The following CPNE4 variants were observed in gnomAD, a reference collection of about 807,000 sequenced individuals.
The protein encoded by CPNE4 is copine-4.
CPNE4 carries 25 observed loss-of-function variants against 67.9 expected under a neutral mutation model. The ratio of observed to expected loss-of-function variants is 0.37; its 90% CI spans 0.27 to 0.51. CPNE4 has a LOEUF of 0.51. Ranked by LOEUF, CPNE4 falls within the 20% of genes least tolerant of loss-of-function variation. The pLI, the probability that CPNE4 is intolerant of heterozygous loss-of-function variation, is 0.93. For missense variants in CPNE4, 464 were observed against 690.8 expected, an observed-to-expected ratio of 0.67 and a Z score of 3.68; for synonymous variants, 242 against 244.9, an observed-to-expected ratio of 0.99 and a Z score of 0.11.
chr3:131,894,141 A>G (rs1170593802), intron 2 of CPNE4, among the ~76,000 whole-genome samples: 1 of 151,952 alleles, frequency 6.6e-6, no homozygotes, highest in South Asian at 2.1e-4. Context: ...CTGGACACAT[A>G]CAACCTACCT....
chr3:131,667,612 CCTTT>C (rs1432006481), intron 7 of CPNE4, among the ~76,000 whole-genome samples: 32 of 151,940 alleles, frequency 2.1e-4, no homozygotes, highest in Non-Finnish European at 4.4e-4. Context: ...TCCCTTCCTT[CCTTT>C]TTCTTTCCTT....
chr3:131,905,801 C>G (rs944543148), intron 1 of CPNE4, among the ~76,000 whole-genome samples: 7 of 152,126 alleles, frequency 4.6e-5, no homozygotes, highest in Non-Finnish European at 1.5e-5. Flanking sequence ...TGAAATTGTA[C>G]AGATTTGTTG....
At chr3:132,029,472 C>T (rs2074191672) in intron 1 of CPNE4, among the ~76,000 whole-genome samples, 1 of 152,166 alleles carries the variant, frequency 6.6e-6, no homozygotes, top group African/African-American at 2.4e-5. Context: ...TGCTCCGGCG[C>T]CCTCTAGCGA....
intron 2 of CPNE4, among the ~76,000 whole-genome samples, chr3:131,882,880 C>T (rs1326582441): frequency 2.0e-5 from 3 of 152,016 alleles, no homozygotes; most frequent in Admixed American, 1.3e-4. Flanking sequence ...CCACACCTGG[C>T]TAATTTTTTT....
intron 9 of CPNE4, among the ~76,000 whole-genome samples, chr3:131,575,606 C>G (rs111447739): frequency 4.3e-4 from 65 of 152,172 alleles, no homozygotes; most frequent in African/African-American, 1.4e-3. Flanking sequence ...TAAATGCTTC[C>G]CCTGCCATGA....
chr3:131,650,726 C>T (rs2079792766), intron 7 of CPNE4, among the ~76,000 whole-genome samples: 3 of 97,316 alleles, frequency 3.1e-5, no homozygotes, highest in Non-Finnish European at 5.4e-5. Flanking sequence ...GCCTGGGGGA[C>T]AGAGCAAGAC....
At chr3:131,920,744 T>C (rs2070720255) in intron 1 of CPNE4, among the ~76,000 whole-genome samples, 1 of 151,980 alleles carries the variant, frequency 6.6e-6, no homozygotes, top group African/African-American at 2.4e-5. Flanking sequence ...ATCTATGGTG[T>C]CATCTCAGAA....
At chr3:132,019,944 G>C (rs996096403) in intron 1 of CPNE4, among the ~76,000 whole-genome samples, 14 of 152,126 alleles carry the variant, frequency 9.2e-5, no homozygotes, top group Non-Finnish European at 1.8e-4. Context: ...ATTTAAACTT[G>C]TGACGCTCAT....
At chr3:131,648,998 C>T (rs2079738714) in intron 7 of CPNE4, among the ~76,000 whole-genome samples, 1 of 152,184 alleles carries the variant, frequency 6.6e-6, no homozygotes. Context: ...AAGCATTTTC[C>T]TCCTTAACTC....
At chr3:131,991,700 G>GA (rs2073177926) in intron 1 of CPNE4, among the ~76,000 whole-genome samples, 1 of 135,742 alleles carries the variant, frequency 7.4e-6, no homozygotes, top group South Asian at 2.6e-4. Context: ...AGAAAATGGG[G>GA]AAAATGTCTC....
At chr3:131,684,218 A>G (rs2080828132) in intron 6 of CPNE4, among the ~76,000 whole-genome samples, 1 of 151,808 alleles carries the variant, frequency 6.6e-6, no homozygotes, top group Non-Finnish European at 1.5e-5. Context: ...TAATTAGAGG[A>G]TGATTAGTGG....
chr3:131,539,207 C>T (rs2107624440), intron 15 of CPNE4, among the ~76,000 whole-genome samples: 1 of 152,220 alleles, frequency 6.6e-6, no homozygotes, highest in East Asian at 1.9e-4. Context: ...GAGTATGCGC[C>T]TGGTGTTCTT....
rs868524895 is a variant in CPNE4, at chr3:131,778,036, C to T, written c.181-54411G>A. On this transcript the variant is annotated intron_variant, in intron 2 of 15. Coordinates refer to ENST00000429747, the MANE Select transcript of CPNE4 (RefSeq NM_130808.3). ...CTTTGCTCCCTGGTGACTGTATTCTCCATTTTTACAAACTGCTGTTTGCAC... is the reference window on the plus strand; with the variant it reads ...CTTTGCTCCCTGGTGACTGTATTCTTCATTTTTACAAACTGCTGTTTGCAC... Among the ~76,000 whole-genome samples the T allele has an allele frequency of 7.2e-5, 11 of 152,210 alleles. 1 individual carries two copies. In the South Asian group the frequency reaches 2.3e-3, roughly 32 times the overall value.
intron 1 of CPNE4, among the ~76,000 whole-genome samples, chr3:131,983,304 T>C (rs2072956961): frequency 6.6e-6 from 1 of 152,192 alleles, no homozygotes; most frequent in African/African-American, 2.4e-5. Flanking sequence ...CAATTTTAAA[T>C]ACAGAATCTG....
At chr3:131,650,550 G>A (rs2079784046) in intron 7 of CPNE4, among the ~76,000 whole-genome samples, 2 of 142,462 alleles carry the variant, frequency 1.4e-5, no homozygotes, top group East Asian at 1.9e-4. Flanking sequence ...AAGGTCGGGA[G>A]ATCGAGACCA....
intron 3 of CPNE4, among the ~76,000 whole-genome samples, chr3:131,710,085 C>T (rs138932273): frequency 1.2e-4 from 18 of 152,278 alleles, no homozygotes; most frequent in African/African-American, 3.9e-4. Context: ...GTGTCTGGCA[C>T]ATAGTAAGTT....
intron 2 of CPNE4, among the ~76,000 whole-genome samples, chr3:131,733,596 TGCCTGCTAAAAGCAGGCAGA>T (rs1453782195): frequency 6.6e-6 from 1 of 152,176 alleles, no homozygotes; most frequent in Non-Finnish European, 1.5e-5. Context: ...AATTCATGCC[TGCCTGCTAAAAGCAGGCAGA>T]GCCTGCCAAG....
chr3:131,863,065 T>G (rs1460898583), intron 2 of CPNE4, among the ~76,000 whole-genome samples: 1 of 152,148 alleles, frequency 6.6e-6, no homozygotes, highest in Non-Finnish European at 1.5e-5. Context: ...TGCATAGTAT[T>G]CCATGGTGTA....
intron 2 of CPNE4, among the ~76,000 whole-genome samples, chr3:131,742,296 C>CTTT (rs2082377008): frequency 6.6e-6 from 1 of 152,096 alleles, no homozygotes; most frequent in Non-Finnish European, 1.5e-5. Context: ...TCTGGGACAC[C>CTTT]GGTCTTCTCC....
Sources: gnomAD v4.1 joint callset for allele counts (sites outside exome capture counted in the v4.1 genomes callset) on GRCh38, gnomAD v4.1.1 for gene constraint, MANE v1.5 for transcripts, NCBI Gene and HGNC (gene_info 2026-07-23, HGNC 2026-07-21) for gene names.